Variants in GDPD1 observed in about 807,000 individuals in gnomAD.
GDPD1 encodes the protein lysophospholipase D GDPD1.
In GDPD1, 28 loss-of-function variants were observed where a neutral mutation model predicts 45.1. The ratio of observed to expected loss-of-function variants is 0.62; its 90% confidence interval spans 0.46 to 0.85. The LOEUF is 0.85. Among genes scored for constraint, GDPD1 ranks in the 40% least tolerant of loss-of-function variants. GDPD1 has a pLI of 0.00. For missense variants in GDPD1, 256 were observed against 364.8 expected (o/e 0.70, Z 2.43); for synonymous variants, 139 against 131.4 (o/e 1.06, Z -0.40).
chr17:59,254,190 C>G (rs562555546), intron 4 of GDPD1, among the ~76,000 whole-genome samples: 1 of 151,814 alleles, frequency 6.6e-6, no homozygotes, highest in Admixed American at 6.6e-5. Context: ...GGAGAAACCC[C>G]GTCTCTACTA....
intron 5 of GDPD1, 76 bp downstream of exon 5, chr17:59,257,316 C>A: frequency 1.4e-6 from 1 of 727,482 alleles, no homozygotes; most frequent in South Asian, 1.9e-5. Context: ...TCAGTGACTG[C>A]ATAGATTGAT....
chr17:59,265,919 A>G (rs1230097255), intron 6 of GDPD1, among the ~76,000 whole-genome samples: 2 of 150,342 alleles, frequency 1.3e-5, no homozygotes, highest in Non-Finnish European at 3.0e-5. Context: ...AAAAAAAAAA[A>G]AGGCATAGAG....
chr17:59,271,074 A>C, intron 8 of GDPD1, 79 bp downstream of exon 8: 2 of 825,768 alleles, frequency 2.4e-6, no homozygotes, highest in Non-Finnish European at 4.0e-6. Context: ...ATGTTGTGCA[A>C]GCTTTCCACA....
intron 4 of GDPD1, among the ~76,000 whole-genome samples, chr17:59,253,775 C>T (rs1312630575): frequency 6.6e-6 from 1 of 151,836 alleles, no homozygotes; most frequent in African/African-American, 2.4e-5. Context: ...ACTGATTGGC[C>T]CAGCTTGGGT....
intron 1 of GDPD1, among the ~76,000 whole-genome samples, chr17:59,221,011 C>G (rs919836149): frequency 6.6e-6 from 1 of 151,828 alleles, no homozygotes; most frequent in Non-Finnish European, 1.5e-5. Context: ...ACGGGAAAGA[C>G]ACGGTCGAGA....
chr17:59,247,093 C>G (rs989939352), intron 3 of GDPD1, among the ~76,000 whole-genome samples: 1 of 152,014 alleles, frequency 6.6e-6, no homozygotes, highest in African/African-American at 2.4e-5. Context: ...AGAAAATAGA[C>G]TTTATTTTTT....
chr17:59,246,501 G>T (rs2047212278), intron 3 of GDPD1, among the ~76,000 whole-genome samples: 1 of 151,564 alleles, frequency 6.6e-6, no homozygotes, highest in Non-Finnish European at 1.5e-5. Flanking sequence ...CTGAGGTCAG[G>T]AGTTCGGGAC....
At position 59,274,843 on chromosome 17, in the gene GDPD1, A is replaced by ATTTTTTT. The variant is rs781384753; in HGVS notation, c.*1080_*1086dup. On this transcript the variant is annotated 3_prime_UTR_variant, in exon 10 of 10. Transcript: ENST00000284116. ...CTGGAATACAATCAATTAGTAAAAG[A>ATTTTTTT]TTTTTTTTTTTTTTTTGACATGTAG... Among the ~76,000 whole-genome samples, 1 of 137,354 alleles carries ATTTTTTT rather than the reference A, an allele frequency of 7.3e-6. No individual in the cohort carries two copies. 90.1% of individuals were successfully genotyped at this position (137,354 alleles called of 152,430 possible).
At chr17:59,264,596 G>A (rs192900076) in intron 6 of GDPD1, among the ~76,000 whole-genome samples, 22 of 151,810 alleles carry the variant, frequency 1.4e-4, no homozygotes, top group South Asian at 8.3e-4. Flanking sequence ...CTGGCTGTAA[G>A]TTTTGAGGGT....
intron 6 of GDPD1, among the ~76,000 whole-genome samples, chr17:59,265,890 A>G (rs2047394923): frequency 7.4e-6 from 1 of 135,394 alleles, no homozygotes; most frequent in African/African-American, 2.9e-5. Context: ...GGTGACAGTG[A>G]GACCTTATCT....
chr17:59,249,657 T>C (rs1341781051), intron 4 of GDPD1, among the ~76,000 whole-genome samples: 1 of 152,182 alleles, frequency 6.6e-6, no homozygotes, highest in African/African-American at 2.4e-5. Flanking sequence ...ACTTCAGATG[T>C]TAGAATGGAA....
chr17:59,251,337 G>A (rs6503910), intron 4 of GDPD1, among the ~76,000 whole-genome samples: 1 of 151,484 alleles, frequency 6.6e-6, no homozygotes, highest in African/African-American at 2.4e-5. Context: ...TGGCCAACAC[G>A]GTGAAACCCT....
At chr17:59,250,613 C>CAAAAA (rs34031181) in intron 4 of GDPD1, among the ~76,000 whole-genome samples, 49 of 102,236 alleles carry the variant, frequency 4.8e-4, no homozygotes, top group African/African-American at 1.5e-3. Context: ...GACCTTGTCT[C>CAAAAA]AAAAAAAAAA....
chr17:59,268,883 A>T (rs2047421875), intron 7 of GDPD1, among the ~76,000 whole-genome samples: 1 of 151,994 alleles, frequency 6.6e-6, no homozygotes. Context: ...CTCTACTGAA[A>T]ATACAAAAAT....
rs113095486 is a variant in GDPD1, at chr17:59,235,274, G to A, written c.185+740G>A. 1.7e-3 allele frequency among the ~76,000 whole-genome samples: 262 copies of A among 152,108 alleles called. 2 individuals carry two copies. The highest frequency in any genetic ancestry group is 6.0e-3 in the African/African-American group (248 of 41,502). ...AAATATTTTCTTATATAATTTTTGA[G>A]CCAATTAATGTATATAATTGGGACT... On this transcript the variant is annotated intron_variant, in intron 2 of 9. Transcript: ENST00000284116.
chr17:59,272,861 T>C, intron 9 of GDPD1, 25 bp downstream of exon 9: 1 of 1,613,926 alleles, frequency 6.2e-7, no homozygotes, highest in Non-Finnish European at 8.5e-7. Flanking sequence ...TGATGCATTT[T>C]GGAAGCAGCA....
chr17:59,221,419 C>CTT (rs36143328), intron 1 of GDPD1, among the ~76,000 whole-genome samples: 2,299 of 126,852 alleles, frequency 0.018, 66 homozygotes, highest in African/African-American at 0.048. Flanking sequence ...AACCTTGCAT[C>CTT]TTTTTTTTTT....
intron 1 of GDPD1, among the ~76,000 whole-genome samples, chr17:59,229,504 C>T (rs1406405826): frequency 5.3e-5 from 8 of 151,298 alleles, no homozygotes; most frequent in African/African-American, 1.5e-4. Flanking sequence ...GAATTACAGG[C>T]GTGAGCCACT....
chr17:59,230,588 G>A (rs567430000), intron 1 of GDPD1, among the ~76,000 whole-genome samples: 82 of 151,506 alleles, frequency 5.4e-4, no homozygotes, highest in Non-Finnish European at 1.1e-3. Flanking sequence ...CTCCATGTTC[G>A]TCAGGCTGGT....
Sources: gnomAD v4.1 joint callset for allele counts (sites outside exome capture counted in the v4.1 genomes callset) on GRCh38, gnomAD v4.1.1 for gene constraint, MANE v1.5 for transcripts, NCBI Gene and HGNC (gene_info 2026-07-23, HGNC 2026-07-21) for gene names.